HDAC9: variants seen among roughly 807,000 people sequenced by gnomAD.
The protein encoded by HDAC9 is MEF-2 interacting transcription repressor (MITR) protein.
A neutral mutation model predicts 139.4 loss-of-function variants in HDAC9; 41 were observed. The observed-to-expected ratio is 0.29, with a 90% CI of 0.23 to 0.38. HDAC9 has a LOEUF of 0.38. HDAC9 is among the 10% of genes least tolerant of loss of function. The pLI is 1.00. For synonymous variants in HDAC9, 517 were observed against 476.2 expected, an observed-to-expected ratio of 1.09 and a Z score of -1.12; for missense variants, 1,147 against 1,297.0, an observed-to-expected ratio of 0.88 and a Z score of 1.78.
At chr7:18,148,397 T>G (rs1786507035) in intron 1 of HDAC9, among the ~76,000 whole-genome samples, 1 of 152,202 alleles carries the variant, frequency 6.6e-6, no homozygotes, top group Admixed American at 6.5e-5. Context: ...CATCGACTAT[T>G]ATTCCATAGG....
chr7:18,525,599 C>A (rs1411615788), intron 2 of HDAC9, among the ~76,000 whole-genome samples: 1 of 151,964 alleles, frequency 6.6e-6, no homozygotes, highest in African/African-American at 2.4e-5. Context: ...TTTTTAAAAG[C>A]TACTGTTTAT....
chr7:18,325,390 T>C (rs1344899102), intron 1 of HDAC9: 3 of 152,174 alleles, frequency 2.0e-5, no homozygotes, highest in African/African-American at 7.2e-5. Context: ...TGATTTCATC[T>C]TGTCAAGTTT....
At chr7:18,333,242 TG>T (rs1781334794) in intron 1 of HDAC9, among the ~76,000 whole-genome samples, 1 of 151,502 alleles carries the variant, frequency 6.6e-6, no homozygotes, top group Non-Finnish European at 1.5e-5. Flanking sequence ...TCTTTACCAT[TG>T]GATGGGGTGA....
chr7:18,648,969 T>G (rs756765930), intron 11 of HDAC9, among the ~76,000 whole-genome samples: 30 of 152,200 alleles, frequency 2.0e-4, no homozygotes, highest in Non-Finnish European at 3.7e-4. Context: ...CATATGTATA[T>G]GGAGCCTCAT....
intron 1 of HDAC9, among the ~76,000 whole-genome samples, chr7:18,309,703 T>A (rs2128623094): frequency 6.6e-6 from 1 of 152,240 alleles, no homozygotes; most frequent in South Asian, 2.1e-4. Context: ...TTTGTTGTGG[T>A]AGCATGTTAT....
chr7:18,810,593 C>T lies in HDAC9; in HGVS notation c.2322+17141C>T, dbSNP rs183553183. On this transcript the variant is annotated intron_variant, in intron 17 of 25. Coordinates refer to ENST00000686413, the MANE Select transcript of HDAC9 (RefSeq NM_178425.4). ...GATTTTCATAAAACACACATAATGT[C>T]TTTTGACAAATGTCTATACCTGACT... Among the ~76,000 whole-genome samples the T allele has an allele frequency of 2.6e-5, 4 of 151,948 alleles. No individual in the cohort carries two copies. In the East Asian group the frequency reaches 7.7e-4, roughly 29 times the overall value.
chr7:18,944,899 A>G (rs1442325134), intron 23 of HDAC9, among the ~76,000 whole-genome samples: 2 of 152,200 alleles, frequency 1.3e-5, no homozygotes, highest in Non-Finnish European at 2.9e-5. Flanking sequence ...ATTCCATTCT[A>G]TAAAAATAAC....
At chr7:18,171,310 T>C (rs1014614397) in intron 2 of HDAC9, among the ~76,000 whole-genome samples, 1 of 152,248 alleles carries the variant, frequency 6.6e-6, no homozygotes, top group Non-Finnish European at 1.5e-5. Flanking sequence ...CCTGAGACTT[T>C]GCTGAAGTTG....
chr7:18,610,928 G>A (rs431), intron 6 of HDAC9, among the ~76,000 whole-genome samples: 60,097 of 151,908 alleles, frequency 0.4, 14,606 homozygotes, highest in Non-Finnish European at 0.54. Flanking sequence ...TTTATTTTGG[G>A]GGCCTCAACA....
At position 18,910,620 on chromosome 7, in the gene HDAC9, A is replaced by G. The variant is rs140463971; in HGVS notation, c.2804-25189A>G. ...AAAGTTAGCATCCTTGTATCATTCC[A>G]GTTCTTACAGAAAAAGCTTTCAGCA... On this transcript the variant is annotated intron_variant, in intron 22 of 25. Transcript: ENST00000686413. Among the ~76,000 whole-genome samples, 733 of 152,100 alleles carry G rather than the reference A, an allele frequency of 4.8e-3. 9 individuals carry two copies. Among genetic ancestry groups the G allele is most frequent in the Middle Eastern group, 0.02 (6 of 294 alleles).
At chr7:18,878,072 T>G (rs777377770) in intron 22 of HDAC9, among the ~76,000 whole-genome samples, 25 of 152,172 alleles carry the variant, frequency 1.6e-4, no homozygotes, top group Non-Finnish European at 3.4e-4. Flanking sequence ...GATTCAGATA[T>G]AGTTGTCTTC....
intron 2 of HDAC9, among the ~76,000 whole-genome samples, chr7:18,264,742 C>G (rs1242597517): frequency 6.6e-6 from 1 of 152,160 alleles, no homozygotes; most frequent in Non-Finnish European, 1.5e-5. Flanking sequence ...ATGGAATAGA[C>G]TAGTTTATAT....
rs202121126 is a variant in HDAC9 at position 18,333,137 on chromosome 7, C to T, written c.-42+42622C>T. Among the ~76,000 whole-genome samples, 27 of 151,364 alleles carry T rather than the reference C, an allele frequency of 1.8e-4. No individual in the cohort carries two copies. The East Asian group carries it at 3.9e-3, about 22-fold the overall frequency. ...AAAAACAGTAATACAAAATAAACAA[C>T]GATTTGGAAGGAACAAGCCATTAAA... is the stretch of plus-strand genomic sequence containing the variant. On this transcript the variant is annotated intron_variant, in intron 1 of 3. Transcript: ENST00000413509.
chr7:18,923,019 A>G (rs1461189062), intron 22 of HDAC9, among the ~76,000 whole-genome samples: 1 of 152,074 alleles, frequency 6.6e-6, no homozygotes, highest in Non-Finnish European at 1.5e-5. Context: ...CTTTTGACAC[A>G]TGGTGATAAT....
chr7:18,732,831 G>A lies in HDAC9; in HGVS notation c.1909+5074G>A, dbSNP rs111219805. Among the ~76,000 whole-genome samples, 3 of 100,046 alleles carry A rather than the reference G, an allele frequency of 3.0e-5. 1 individual carries two copies. Among genetic ancestry groups the A allele is most frequent in the Admixed American group, 1.8e-4 (2 of 11,206 alleles). 65.6% of individuals were successfully genotyped at this position (100,046 alleles called of 152,430 possible). On this transcript the variant is annotated intron_variant, in intron 13 of 25. Coordinates refer to ENST00000686413, the MANE Select transcript of HDAC9 (RefSeq NM_178425.4). ...TGTACACACACGTGTGTATGTGTGC[G>A]TATGTGTACACACACGTGTGTATGT... is the stretch of plus-strand genomic sequence containing the variant.
At chr7:18,780,487 A>T (rs750983286) in intron 16 of HDAC9, among the ~76,000 whole-genome samples, 6 of 151,954 alleles carry the variant, frequency 3.9e-5, no homozygotes, top group Non-Finnish European at 8.8e-5. Context: ...GGCACTGGGG[A>T]CATCACAGTT....
intron 21 of HDAC9, among the ~76,000 whole-genome samples, chr7:18,840,912 G>A: frequency 6.6e-6 from 1 of 152,122 alleles, no homozygotes; most frequent in East Asian, 1.9e-4. Context: ...TCCCCTGCTT[G>A]TGACAAAAAT....
Position 18,712,426 on chromosome 7 carries a change from C to G in HDAC9, c.1732-15154C>G, listed in dbSNP as rs188625516. Among the ~76,000 whole-genome samples the G allele has an allele frequency of 7.2e-4, 109 of 152,294 alleles. 1 individual carries two copies. The highest frequency in any genetic ancestry group is 2.4e-3 in the African/African-American group (99 of 41,554). ...TTGTAGAATGCCATAGTCACTTATT[C>G]TGCAAGTTTACAATAATTCCTGTTT... On this transcript the variant is annotated intron_variant, in intron 12 of 25. Coordinates refer to ENST00000686413, the MANE Select transcript of HDAC9 (RefSeq NM_178425.4).
chr7:18,114,041 A>C (rs1041230757), intron 1 of HDAC9, among the ~76,000 whole-genome samples: 2 of 152,198 alleles, frequency 1.3e-5, no homozygotes, highest in Non-Finnish European at 2.9e-5. Context: ...CATCTGGCTG[A>C]GGACCTCAAG....
Sources: allele counts gnomAD v4.1 joint callset (sites outside exome capture counted in the v4.1 genomes callset), GRCh38; gene constraint gnomAD v4.1.1; transcripts MANE v1.5; gene names NCBI Gene and HGNC (gene_info 2026-07-23, HGNC 2026-07-21).